ASXL2: variants seen among roughly 807,000 people sequenced by gnomAD.
ASXL2 encodes putative Polycomb group protein ASXL2.
In ASXL2, 23 loss-of-function variants were observed where a neutral mutation model predicts 122.0. The ratio of observed to expected loss-of-function variants is 0.19; its 90% CI spans 0.14 to 0.27. The LOEUF is 0.27. Among genes scored for constraint, ASXL2 ranks in the 10% least tolerant of loss-of-function variants. The probability of loss-of-function intolerance (pLI) is 1.00; values close to 1 mark genes in which losing one functional copy is unlikely to be tolerated. For synonymous variants in ASXL2, 650 were observed against 637.0 expected, an observed-to-expected ratio of 1.02 and a Z score of -0.31; for missense variants, 1,518 against 1,713.8, an observed-to-expected ratio of 0.89 and a Z score of 2.02.
intron 1 of ASXL2, among the ~76,000 whole-genome samples, chr2:25,854,349 C>A (rs972376345): frequency 6.6e-5 from 10 of 152,166 alleles, no homozygotes; most frequent in Non-Finnish European, 1.3e-4. Context: ...GCTTATTTAA[C>A]CTTTACAATA....
chr2:25,856,724 G>A, intron 1 of ASXL2: 2 of 1,298,086 alleles, frequency 1.5e-6, no homozygotes, highest in South Asian at 2.4e-5. Flanking sequence ...CAGTCACCGA[G>A]CCGATCTGGT....
At chr2:25,820,536 T>C (rs2089295926) in intron 3 of ASXL2, among the ~76,000 whole-genome samples, 1 of 152,212 alleles carries the variant, frequency 6.6e-6, no homozygotes. Flanking sequence ...TGATTCCATT[T>C]ATATGAATGT....
intron 5 of ASXL2, among the ~76,000 whole-genome samples, chr2:25,797,019 TA>T (rs1275841554): frequency 6.6e-6 from 1 of 152,088 alleles, no homozygotes; most frequent in Admixed American, 6.5e-5. Flanking sequence ...GAAGAAAATC[TA>T]GGGGTTTTAT....
rs1476678388 is a variant in ASXL2, at chr2:25,742,122, T to C, written c.4215A>G (p.Lys1405=). The change falls in exon 13 of 13, where the codon AAA becomes AAG. Residue 1405 remains lysine, a synonymous_variant. Transcript: ENST00000435504. ...GTPSKCYCRL[K]AMIMCKGCGA... Reference sequence around the variant, plus strand: ...CACAGCCTTTGCACATGATCATGGCTTTCAAGCGGCAGTAACATTTCGAAG... The same window carrying C: ...CACAGCCTTTGCACATGATCATGGCCTTCAAGCGGCAGTAACATTTCGAAG... The C allele has an allele frequency of 6.2e-7, 1 of 1,614,034 alleles. No individual in the cohort carries two copies. Among genetic ancestry groups the C allele is most frequent in the South Asian group, 1.1e-5 (1 of 91,086 alleles).
chr2:25,750,086 C>A lies in ASXL2; in HGVS notation c.1470G>T (p.Glu490Asp). 1.2e-6 allele frequency: 2 copies of A among 1,613,942 alleles called. No homozygotes were observed. The highest frequency in any genetic ancestry group is 1.7e-6 in the Non-Finnish European group (2 of 1,179,888). ...GTTCAGCAGAGGTGACTGGCTTCTG[C>A]TCCAAGAGATCCTCATCCTTTGGGC... ...IKCPKDEDLL[E>D]QKPVTSAEQE... The change falls in exon 12 of 13, where the codon GAG becomes GAT. Residue 490 changes from glutamate to aspartate, a missense_variant. Glu to Asp is a conservative substitution (Grantham distance 45, BLOSUM62 2). Around this residue, in one of 8 missense-constraint regions of ASXL2, gnomAD observed 292 missense variants for 293.5 expected, o/e 1.00. Transcript: ENST00000435504.
intron 3 of ASXL2, among the ~76,000 whole-genome samples, chr2:25,820,554 T>C (rs186876897): frequency 2.0e-5 from 3 of 152,322 alleles, no homozygotes; most frequent in Non-Finnish European, 4.4e-5. Flanking sequence ...TGTCCAGATA[T>C]GGCCAAACTT....
chr2:25,822,957 C>G, intron 3 of ASXL2: 1 of 511,302 alleles, frequency 2.0e-6, no homozygotes, highest in Non-Finnish European at 3.9e-6. Context: ...GTAAGGAATA[C>G]TGTCATCACC....
In ASXL2 at chr2:25,735,750, CTA is replaced by C. The variant is rs1314903212; in HGVS notation, c.*6277_*6278del. The C allele has an allele frequency of 6.6e-6, 1 of 152,132 alleles. No homozygotes were observed. Among genetic ancestry groups the C allele is most frequent in the Non-Finnish European group, 1.5e-5 (1 of 68,018 alleles). The allele number at this position is 152,132 out of a possible 1,614,324, so 9.4% of individuals were successfully genotyped here. A position where few individuals can be genotyped will look rare whatever the true frequency, so the allele number is the denominator to read the frequency against. On this transcript the variant is annotated 3_prime_UTR_variant, in exon 13 of 13. Transcript: ENST00000435504. ...GATGTTAAGAGATTTCTTGAAATTT[CTA>C]TAGACAACTTTAGCTATTCCAACAA... is the stretch of plus-strand genomic sequence containing the variant.
At position 25,744,935 on chromosome 2, in the gene ASXL2, C is replaced by CCACACACACACACACA. The variant is rs10579555; in HGVS notation, c.1861-475_1861-460dup. Among the ~76,000 whole-genome samples, 4 of 138,338 alleles carry CCACACACACACACACA rather than the reference C, an allele frequency of 2.9e-5. No individual in the cohort carries two copies. The East Asian group carries it at 6.6e-4, about 23-fold the overall frequency. 90.8% of individuals were successfully genotyped at this position (138,338 alleles called of 152,430 possible). A position where few individuals can be genotyped will look rare whatever the true frequency, so the allele number is the denominator to read the frequency against. ...GGGAAAATACTTGCTCTTCTCTGTT[C>CCACACACACACACACA]CACACACACACACACACACACACAC... On this transcript the variant is annotated intron_variant, in intron 12 of 12. Coordinates refer to ENST00000435504, the MANE Select transcript of ASXL2 (RefSeq NM_018263.6). The surrounding 1 kb of genome is among the most constrained non-coding windows in gnomAD (Gnocchi z 4.7).
At chr2:25,874,246 T>C (rs1202796292) in intron 1 of ASXL2, among the ~76,000 whole-genome samples, 1 of 151,972 alleles carries the variant, frequency 6.6e-6, no homozygotes, top group Non-Finnish European at 1.5e-5. Flanking sequence ...CCCATCACAC[T>C]GGGAGGCAGA....
intron 6 of ASXL2, among the ~76,000 whole-genome samples, chr2:25,769,311 T>C (rs2088406980): frequency 6.6e-6 from 1 of 152,218 alleles, no homozygotes; most frequent in Non-Finnish European, 1.5e-5. Context: ...GCATCAAACC[T>C]ATGTAGAAAT....
chr2:25,813,216 G>A (rs1403192269), intron 3 of ASXL2, among the ~76,000 whole-genome samples: 2 of 152,202 alleles, frequency 1.3e-5, no homozygotes, highest in Non-Finnish European at 2.9e-5. Flanking sequence ...ATCTAATAGA[G>A]AAGATAGGCA....
chr2:25,774,616 T>C (rs1371592081), intron 5 of ASXL2, among the ~76,000 whole-genome samples: 5 of 152,242 alleles, frequency 3.3e-5, no homozygotes, highest in African/African-American at 9.6e-5. Context: ...CCACTGCTTA[T>C]GTACATGTGA....
At chr2:25,792,158 G>A (rs1003762549) in intron 5 of ASXL2, among the ~76,000 whole-genome samples, 1 of 152,046 alleles carries the variant, frequency 6.6e-6, no homozygotes, top group Non-Finnish European at 1.5e-5. Context: ...CACCACATTC[G>A]GCTAATTTTA....
chr2:25,746,804 A>G (rs1368543961), intron 12 of ASXL2, among the ~76,000 whole-genome samples: 1 of 152,228 alleles, frequency 6.6e-6, no homozygotes, highest in Non-Finnish European at 1.5e-5. Context: ...TTTTAAGTAC[A>G]AAACCAAAGC....
chr2:25,787,426 G>C (rs2088765737), intron 5 of ASXL2, among the ~76,000 whole-genome samples: 1 of 152,186 alleles, frequency 6.6e-6, no homozygotes, highest in African/African-American at 2.4e-5. Flanking sequence ...GACACGAAAA[G>C]TATGCTGGTA....
intron 4 of ASXL2, among the ~76,000 whole-genome samples, chr2:25,802,504 G>A (rs1172892023): frequency 6.6e-6 from 1 of 152,154 alleles, no homozygotes; most frequent in Non-Finnish European, 1.5e-5. Flanking sequence ...TTTGGTCCTT[G>A]ATCCCAGCTT....
chr2:25,859,396 A>C, intron 1 of ASXL2, among the ~76,000 whole-genome samples: 1 of 152,206 alleles, frequency 6.6e-6, no homozygotes, highest in East Asian at 1.9e-4. Context: ...GTTACCCTTA[A>C]AATATATCCC....
At chr2:25,869,871 G>A (rs2089948637) in intron 1 of ASXL2, among the ~76,000 whole-genome samples, 1 of 148,352 alleles carries the variant, frequency 6.7e-6, no homozygotes, top group South Asian at 2.1e-4. Context: ...ATCAGGGACC[G>A]ATTTTTTTTA....
Sources: allele counts gnomAD v4.1 joint callset (sites outside exome capture counted in the v4.1 genomes callset), GRCh38; gene constraint gnomAD v4.1.1; regional missense constraint gnomAD v4.1.1; non-coding constraint Gnocchi (gnomAD v3.1); transcripts MANE v1.5; gene names NCBI Gene and HGNC (gene_info 2026-07-23, HGNC 2026-07-21).